Variants in AUTS2 observed in about 807,000 individuals in gnomAD.
AUTS2 encodes activator of transcription and developmental regulator AUTS2.
Under a neutral mutation model 112.4 loss-of-function variants are expected in AUTS2, and 17 were observed. The observed-to-expected ratio is 0.15, with a 90% CI of 0.10 to 0.23. AUTS2 has a LOEUF of 0.23. Ranked by LOEUF, AUTS2 falls within the 10% of genes least tolerant of loss-of-function variation. The pLI, the probability that AUTS2 is intolerant of heterozygous loss-of-function variation, is 1.00. For missense variants in AUTS2, 1,510 were observed against 1,701.6 expected (o/e 0.89, Z 1.98); for synonymous variants, 751 against 702.7 (o/e 1.07, Z -1.09).
Position 70,763,380 on chromosome 7 carries a change from C to A in AUTS2, c.1214+39C>A, listed in dbSNP as rs530472855. 4.1e-6 allele frequency: 6 copies of A among 1,462,340 alleles called. No individual in the cohort carries two copies. In the Admixed American group the frequency reaches 1.3e-4, roughly 32 times the overall value. 90.6% of individuals were successfully genotyped at this position (1,462,340 alleles called of 1,614,324 possible). A position where few individuals can be genotyped will look rare whatever the true frequency, so the allele number is the denominator to read the frequency against. ...TCTTCTTTGGCCTGACTTTTGCCCTCTCCCTGGGGATCAGGTGGGTGGGAG... is the reference window on the plus strand; with the variant it reads ...TCTTCTTTGGCCTGACTTTTGCCCTATCCCTGGGGATCAGGTGGGTGGGAG... On this transcript the variant is annotated intron_variant, in intron 7 of 18. Coordinates refer to ENST00000342771, the MANE Select transcript of AUTS2 (RefSeq NM_015570.4).
intron 2 of AUTS2, among the ~76,000 whole-genome samples, chr7:69,996,554 C>T (rs1798949661): frequency 6.6e-6 from 1 of 152,180 alleles, no homozygotes; most frequent in Non-Finnish European, 1.5e-5. Flanking sequence ...GAATCTCCTA[C>T]AAACACTGTC....
chr7:70,278,178 T>G (rs929497805), intron 4 of AUTS2, among the ~76,000 whole-genome samples: 1 of 152,208 alleles, frequency 6.6e-6, no homozygotes, highest in Non-Finnish European at 1.5e-5. Flanking sequence ...ATTGCTATAT[T>G]CTACATTAGA....
intron 2 of AUTS2, among the ~76,000 whole-genome samples, chr7:70,103,111 T>A (rs1804587782): frequency 6.6e-6 from 1 of 152,156 alleles, no homozygotes; most frequent in African/African-American, 2.4e-5. Context: ...GGTCAGTAAA[T>A]CAGAAAAATA....
At chr7:70,368,173 G>A (rs892768028) in intron 4 of AUTS2, among the ~76,000 whole-genome samples, 1 of 152,188 alleles carries the variant, frequency 6.6e-6, no homozygotes, top group Non-Finnish European at 1.5e-5. Context: ...AGTTCCTTAT[G>A]TATAAAATGA....
chr7:69,666,224 G>A (rs1562796235), intron 1 of AUTS2, among the ~76,000 whole-genome samples: 1 of 152,074 alleles, frequency 6.6e-6, no homozygotes, highest in Non-Finnish European at 1.5e-5. Context: ...AATTTGGAGC[G>A]AGGAAAAAAT....
At chr7:70,590,009 G>A (rs925193440) in intron 5 of AUTS2, among the ~76,000 whole-genome samples, 1 of 152,172 alleles carries the variant, frequency 6.6e-6, no homozygotes, top group African/African-American at 2.4e-5. Context: ...GGCAAGGCCT[G>A]AGTGGCCACA....
In AUTS2 at chr7:70,766,010, C is replaced by G; in HGVS notation, c.1469-104C>G. ...CTCAGGGCCCAGCCACACCCTGTCACCCCTGCCACTGTGTCACCAGCCCCG... is the reference window on the plus strand; with the variant it reads ...CTCAGGGCCCAGCCACACCCTGTCAGCCCTGCCACTGTGTCACCAGCCCCG... On this transcript the variant is annotated intron_variant, in intron 8 of 18. Transcript: ENST00000342771. The surrounding 1 kb of genome is among the most constrained non-coding windows in gnomAD (Gnocchi z 4.8). 1 of 1,511,330 alleles carries G rather than the reference C, an allele frequency of 6.6e-7. No homozygotes were observed. The highest frequency in any genetic ancestry group is 8.9e-7 in the Non-Finnish European group (1 of 1,128,222). 93.6% of individuals were successfully genotyped at this position (1,511,330 alleles called of 1,614,324 possible).
intron 1 of AUTS2, among the ~76,000 whole-genome samples, chr7:69,742,656 C>T (rs1171136660): frequency 3.9e-5 from 6 of 152,156 alleles, no homozygotes; most frequent in Non-Finnish European, 5.9e-5. Flanking sequence ...TTCTATCACT[C>T]GCTAGTTGTA....
rs531658751 is a variant in AUTS2, at chr7:70,476,174, A to G, written c.690+40393A>G. ...TACACTGTTTTTACCCATCCCCATA[A>G]CAACTCTACAAAGTAGATGGTGCTA... On this transcript the variant is annotated intron_variant, in intron 5 of 18. Transcript: ENST00000342771. Among the ~76,000 whole-genome samples, 6 of 152,306 alleles carry G rather than the reference A, an allele frequency of 3.9e-5. No individual in the cohort carries two copies. The East Asian group carries it at 9.6e-4, about 24-fold the overall frequency.
chr7:70,287,159 C>T (rs980713398), intron 4 of AUTS2, among the ~76,000 whole-genome samples: 1 of 152,132 alleles, frequency 6.6e-6, no homozygotes, highest in African/African-American at 2.4e-5. Context: ...TTATGAGATT[C>T]GCTGGATCTC....
chr7:69,776,153 T>C (rs760623298), intron 1 of AUTS2, among the ~76,000 whole-genome samples: 1 of 152,192 alleles, frequency 6.6e-6, no homozygotes, highest in Non-Finnish European at 1.5e-5. Context: ...TAGCTTCTAA[T>C]TGTGTTGCGC....
intron 2 of AUTS2, among the ~76,000 whole-genome samples, chr7:70,048,777 G>A (rs1801615936): frequency 6.6e-6 from 1 of 152,194 alleles, no homozygotes; most frequent in South Asian, 2.1e-4. Flanking sequence ...TAATATCAAT[G>A]TGTATTGTTT....
chr7:70,524,378 T>C (rs539426999), intron 5 of AUTS2, among the ~76,000 whole-genome samples: 2 of 152,172 alleles, frequency 1.3e-5, no homozygotes, highest in Non-Finnish European at 2.9e-5. Flanking sequence ...TAGGGAGAGA[T>C]AAAATAATAA....
intron 4 of AUTS2, among the ~76,000 whole-genome samples, chr7:70,166,121 G>C (rs1808368064): frequency 3.9e-5 from 6 of 152,088 alleles, no homozygotes; most frequent in Admixed American, 3.9e-4. Flanking sequence ...TTCTGTTAAG[G>C]CTGTGGAACC....
intron 4 of AUTS2, among the ~76,000 whole-genome samples, chr7:70,401,349 G>A (rs529446049): frequency 6.6e-6 from 1 of 152,298 alleles, no homozygotes; most frequent in Admixed American, 6.5e-5. Context: ...GTAGTTTGAG[G>A]GGGAAACTTT....
chr7:70,236,599 G>C (rs1812341709), intron 4 of AUTS2, among the ~76,000 whole-genome samples: 1 of 152,182 alleles, frequency 6.6e-6, no homozygotes, highest in Non-Finnish European at 1.5e-5. Context: ...ATTTCCCACA[G>C]ACTGGTAGCT....
chr7:70,388,976 T>C (rs1793733221), intron 4 of AUTS2, among the ~76,000 whole-genome samples: 1 of 152,222 alleles, frequency 6.6e-6, no homozygotes. Flanking sequence ...TGGCTGCCTC[T>C]GTTGTTCAAG....
chr7:70,240,118 C>G lies in AUTS2; in HGVS notation c.660+105547C>G, dbSNP rs76595393. 7.2e-5 allele frequency among the ~76,000 whole-genome samples: 11 copies of G among 152,234 alleles called. No individual in the cohort carries two copies. The East Asian group carries it at 2.1e-3, about 29-fold the overall frequency. ...GTGACATTCCTACTAAGCAATGAGCCTAGCAACCAGAATCTCCCAGCCCCG... is the reference window on the plus strand; with the variant it reads ...GTGACATTCCTACTAAGCAATGAGCGTAGCAACCAGAATCTCCCAGCCCCG... On this transcript the variant is annotated intron_variant, in intron 4 of 18. Transcript: ENST00000342771.
intron 6 of AUTS2, among the ~76,000 whole-genome samples, chr7:70,753,021 C>A (rs906880279): frequency 6.6e-6 from 1 of 152,276 alleles, no homozygotes; most frequent in Admixed American, 6.5e-5. Flanking sequence ...TGGGCATGTG[C>A]ATCAGGATTG....
Sources: allele counts gnomAD v4.1 joint callset (sites outside exome capture counted in the v4.1 genomes callset), GRCh38; gene constraint gnomAD v4.1.1; non-coding constraint Gnocchi (gnomAD v3.1); transcripts MANE v1.5; gene names NCBI Gene and HGNC (gene_info 2026-07-23, HGNC 2026-07-21).